KAZN: variants seen among roughly 807,000 people sequenced by gnomAD.
KAZN encodes the protein kazrin, periplakin interacting protein, also known as kazrin.
Under a neutral mutation model 87.4 loss-of-function variants are expected in KAZN, and 40 were observed. That is an observed-to-expected ratio of 0.46 (90% CI 0.36 to 0.60). KAZN has a LOEUF of 0.60. Among genes scored for constraint, KAZN ranks in the 20% least tolerant of loss-of-function variants. The pLI is 0.00. For synonymous variants in KAZN, 466 were observed against 458.3 expected (o/e 1.02, Z -0.22); for missense variants, 898 against 1,073.9 (o/e 0.84, Z 2.29).
At chr1:13,907,122 T>G (rs1639468078) in intron 1 of KAZN, among the ~76,000 whole-genome samples, 1 of 152,198 alleles carries the variant, frequency 6.6e-6, no homozygotes, top group Non-Finnish European at 1.5e-5. Context: ...CTTCAGTTAA[T>G]GTGAATGGCT....
At chr1:14,247,364 T>C (rs1341701517) in intron 2 of KAZN, among the ~76,000 whole-genome samples, 2 of 152,110 alleles carry the variant, frequency 1.3e-5, no homozygotes, top group Non-Finnish European at 2.9e-5. Flanking sequence ...AACCAAATGC[T>C]CTCCTCTTTG....
At chr1:14,728,150 G>A (rs1308186344) in intron 1 of KAZN, among the ~76,000 whole-genome samples, 3 of 151,814 alleles carry the variant, frequency 2.0e-5, no homozygotes, top group Admixed American at 2.0e-4. Flanking sequence ...GCCGGGTATG[G>A]TTGCGTGCAC....
intron 1 of KAZN, among the ~76,000 whole-genome samples, chr1:13,894,192 C>T (rs1028616645): frequency 4.6e-5 from 7 of 152,094 alleles, no homozygotes; most frequent in African/African-American, 1.2e-4. Context: ...CCCCCCCAGC[C>T]CCTGCTGGAG....
chr1:14,550,920 A>G (rs1571914286), intron 2 of KAZN, among the ~76,000 whole-genome samples: 2 of 149,568 alleles, frequency 1.3e-5, no homozygotes, highest in East Asian at 4.0e-4. Context: ...TCCCCAGACA[A>G]CTCTTCTCCC....
chr1:15,075,506 G>T (rs1466781355), intron 8 of KAZN, among the ~76,000 whole-genome samples: 1 of 152,162 alleles, frequency 6.6e-6, no homozygotes, highest in Non-Finnish European at 1.5e-5. Flanking sequence ...TGGGACAGAT[G>T]ACTTCTTCGG....
intron 1 of KAZN, among the ~76,000 whole-genome samples, chr1:13,901,173 A>G (rs1031910159): frequency 1.3e-5 from 2 of 152,232 alleles, no homozygotes; most frequent in Admixed American, 6.5e-5. Context: ...GGATGTTTAA[A>G]GAAGGGCCCT....
intron 2 of KAZN, among the ~76,000 whole-genome samples, chr1:14,212,094 T>G (rs558492888): frequency 6.6e-6 from 1 of 152,328 alleles, no homozygotes; most frequent in East Asian, 1.9e-4. Context: ...CTTCCATTGA[T>G]AATGTTTGCT....
chr1:14,389,314 A>C (rs1662220165), intron 2 of KAZN, among the ~76,000 whole-genome samples: 1 of 152,200 alleles, frequency 6.6e-6, no homozygotes, highest in African/African-American at 2.4e-5. Context: ...AAAAACTAAA[A>C]ATAGAGCTAC....
Position 15,094,749 on chromosome 1 carries a change from C to T in KAZN, c.1429-66C>T. On this transcript the variant is annotated intron_variant, in intron 9 of 14. Transcript: ENST00000376030. This position sits in a 1 kb window ranked among gnomAD's most constrained non-coding sequence, Gnocchi z 4.5. ...GAAGGAGCCCCATGTCAACAGACCC[C>T]CTCTAGGGCAGGAACCCCGCCGGCA... 1 of 1,219,066 alleles carries T rather than the reference C, an allele frequency of 8.2e-7. No homozygotes were observed. Among genetic ancestry groups the T allele is most frequent in the Admixed American group, 2.0e-5 (1 of 48,862 alleles). 75.5% of individuals were successfully genotyped at this position (1,219,066 alleles called of 1,614,324 possible). A position where few individuals can be genotyped will look rare whatever the true frequency, so the allele number is the denominator to read the frequency against.
At position 14,923,216 on chromosome 1, in the gene KAZN, C is replaced by T. The variant is rs934228388; in HGVS notation, c.227-37468C>T. On this transcript the variant is annotated intron_variant, in intron 1 of 14. Transcript: ENST00000376030. The surrounding 1 kb of genome is among the most constrained non-coding windows in gnomAD (Gnocchi z 4.2). ...GACTCCTCACCTGGCTGTGTGGCCTCGGCTCCCGCGTGTCTACAACAGGGG... is the reference window on the plus strand; with the variant it reads ...GACTCCTCACCTGGCTGTGTGGCCTTGGCTCCCGCGTGTCTACAACAGGGG... Among the ~76,000 whole-genome samples, 13 of 152,130 alleles carry T rather than the reference C, an allele frequency of 8.5e-5. No individual in the cohort carries two copies. The highest frequency in any genetic ancestry group is 2.7e-4 in the African/African-American group (11 of 41,406).
chr1:14,990,000 A>G (rs540936938), intron 2 of KAZN, among the ~76,000 whole-genome samples: 51 of 152,156 alleles, frequency 3.4e-4, no homozygotes, highest in Admixed American at 2.5e-3. Flanking sequence ...CAGCAACTCT[A>G]TGACATAGGT....
intron 1 of KAZN, among the ~76,000 whole-genome samples, chr1:14,741,827 G>A (rs1644108093): frequency 6.6e-6 from 1 of 152,146 alleles, no homozygotes; most frequent in African/African-American, 2.4e-5. Context: ...CTGGTGGCAT[G>A]TTTTATGAGA....
At chr1:14,686,146 G>A (rs984717882) in intron 1 of KAZN, among the ~76,000 whole-genome samples, 5 of 152,150 alleles carry the variant, frequency 3.3e-5, no homozygotes, top group African/African-American at 2.4e-5. Context: ...TCAGCTCACT[G>A]CAACCTCCAC....
chr1:14,102,874 A>G (rs1343938848), intron 1 of KAZN, among the ~76,000 whole-genome samples: 3 of 149,230 alleles, frequency 2.0e-5, no homozygotes, highest in Non-Finnish European at 4.4e-5. Context: ...GTGTCATCCC[A>G]TGGGCTTCCC....
At chr1:14,494,933 C>G (rs1352934165) in intron 2 of KAZN, among the ~76,000 whole-genome samples, 1 of 152,140 alleles carries the variant, frequency 6.6e-6, no homozygotes, top group Non-Finnish European at 1.5e-5. Context: ...TCCCCCACAG[C>G]TGACCCACTA....
At chr1:14,985,244 T>TCCAAGG (rs560285595) in intron 2 of KAZN, among the ~76,000 whole-genome samples, 6 of 110,332 alleles carry the variant, frequency 5.4e-5, no homozygotes, top group African/African-American at 2.6e-4. Context: ...TCCCAGAACT[T>TCCAAGG]TGGTGGGAGG....
intron 1 of KAZN, among the ~76,000 whole-genome samples, chr1:14,869,678 T>C (rs569646515): frequency 9.8e-5 from 15 of 152,356 alleles, no homozygotes; most frequent in African/African-American, 3.6e-4. Context: ...GGCATGTGCC[T>C]CGTCTCTTGC....
chr1:15,095,044 A>G, intron 10 of KAZN, 111 bp downstream of exon 10: 1 of 736,254 alleles, frequency 1.4e-6, no homozygotes, highest in Non-Finnish European at 2.3e-6. Flanking sequence ...GTGGTGGGGG[A>G]CAGCAGGGTG....
At chr1:14,531,074 A>G (rs1672183148) in intron 2 of KAZN, among the ~76,000 whole-genome samples, 1 of 152,166 alleles carries the variant, frequency 6.6e-6, no homozygotes, top group Non-Finnish European at 1.5e-5. Context: ...CCCTGTCTCA[A>G]TCAATGAGTC....
Sources: gnomAD v4.1 joint callset for allele counts (sites outside exome capture counted in the v4.1 genomes callset) on GRCh38, gnomAD v4.1.1 for gene constraint, Gnocchi (gnomAD v3.1) non-coding constraint, MANE v1.5 for transcripts, NCBI Gene and HGNC (gene_info 2026-07-23, HGNC 2026-07-21) for gene names.